SHLD2: variants seen among roughly 807,000 people sequenced by gnomAD.
The protein encoded by SHLD2 is shieldin complex subunit 2, also known as RINN1-REV7-interacting novel NHEJ regulator 2.
A neutral mutation model predicts 73.2 loss-of-function variants in SHLD2; 30 were observed. The observed-to-expected ratio is 0.41, with a 90% CI of 0.31 to 0.56. The LOEUF (loss-of-function observed/expected upper bound fraction) is 0.56, where lower values mean the gene tolerates loss of function less well. SHLD2 is among the 20% of genes least tolerant of loss of function. The pLI is 0.28. For missense variants in SHLD2, 745 were observed against 1,055.9 expected (o/e 0.71, Z 4.08); for synonymous variants, 285 against 370.1 (o/e 0.77, Z 2.64).
At chr10:87,189,350 G>T (rs1848870072) in intron 9 of SHLD2, among the ~76,000 whole-genome samples, 2 of 152,222 alleles carry the variant, frequency 1.3e-5, no homozygotes, top group Non-Finnish European at 2.9e-5. Flanking sequence ...TCTTAGAGAA[G>T]CATCATTCTC....
intron 6 of SHLD2, among the ~76,000 whole-genome samples, chr10:87,175,619 G>A (rs927758889): frequency 1.3e-5 from 2 of 151,896 alleles, no homozygotes; most frequent in Admixed American, 6.6e-5. Context: ...GGGAGGTGGA[G>A]GTTTCAGTGA....
chr10:87,187,210 C>T lies in SHLD2; in HGVS notation c.2515+10C>T. Reference sequence around the variant, plus strand: ...CTCAACAGAGTGATAGGTAATATATCAGTGTGCCATCAAGAAGTTGTTTTA... The same window carrying T: ...CTCAACAGAGTGATAGGTAATATATTAGTGTGCCATCAAGAAGTTGTTTTA... On this transcript the variant is annotated intron_variant, in intron 9 of 9. Transcript: ENST00000298786. 1 of 1,460,378 alleles carries T rather than the reference C, an allele frequency of 6.8e-7. No homozygotes were observed. Among genetic ancestry groups the T allele is most frequent in the Non-Finnish European group, 9.6e-7 (1 of 1,039,818 alleles). 90.5% of individuals were successfully genotyped at this position (1,460,378 alleles called of 1,614,324 possible).
chr10:87,132,805 G>A (rs949564596), intron 2 of SHLD2, among the ~76,000 whole-genome samples: 6 of 152,036 alleles, frequency 3.9e-5, no homozygotes, highest in African/African-American at 9.7e-5. Flanking sequence ...AAAACAAAAC[G>A]ACTATATTTC....
intron 4 of SHLD2, among the ~76,000 whole-genome samples, chr10:87,163,346 A>AT (rs1263345803): frequency 6.6e-6 from 1 of 152,206 alleles, no homozygotes; most frequent in African/African-American, 2.4e-5. Flanking sequence ...CAGGGGGCAC[A>AT]TAGGAGAGGG....
chr10:87,167,696 G>A (rs1329051591), intron 4 of SHLD2, among the ~76,000 whole-genome samples: 2 of 152,302 alleles, frequency 1.3e-5, no homozygotes, highest in East Asian at 3.9e-4. Context: ...CCAGGCTGGA[G>A]TGCAGTGGCC....
chr10:87,172,098 A>G (rs1847630445), intron 6 of SHLD2, among the ~76,000 whole-genome samples: 1 of 152,232 alleles, frequency 6.6e-6, no homozygotes, highest in Non-Finnish European at 1.5e-5. Context: ...TTAGGTTAGT[A>G]TTGAAAACAT....
intron 4 of SHLD2, among the ~76,000 whole-genome samples, chr10:87,167,879 C>T (rs7095600): frequency 6.6e-6 from 1 of 152,164 alleles, no homozygotes. Context: ...TCCTGAGCTC[C>T]AGTGATCCTC....
intron 2 of SHLD2, among the ~76,000 whole-genome samples, chr10:87,117,147 A>G (rs888625467): frequency 1.3e-5 from 2 of 152,154 alleles, no homozygotes; most frequent in African/African-American, 2.4e-5. Context: ...CGGCCGGGCA[A>G]GGTGGCTCAT....
rs1845910003 is a variant in SHLD2 at position 87,150,129 on chromosome 10, A to G, written c.-5-1221A>G. 2.8e-5 allele frequency among the ~76,000 whole-genome samples: 4 copies of G among 141,534 alleles called. No individual in the cohort carries two copies. In the Admixed American group the frequency reaches 3.0e-4, roughly 11 times the overall value. 92.9% of individuals were successfully genotyped at this position (141,534 alleles called of 152,430 possible). ...GCCCAGGCTGGAGTGCAGTGGCGAG[A>G]TCTTGGCTCACTGCAACCTCCTCCT... On this transcript the variant is annotated intron_variant, in intron 2 of 9. Transcript: ENST00000298786.
intron 8 of SHLD2, among the ~76,000 whole-genome samples, chr10:87,183,253 T>G (rs2134724337): frequency 1.3e-5 from 2 of 152,312 alleles, no homozygotes; most frequent in Middle Eastern, 6.8e-3. Flanking sequence ...TAAGATTATT[T>G]ATTAAAACAA....
At chr10:87,137,750 C>G (rs1314338973) in intron 2 of SHLD2, among the ~76,000 whole-genome samples, 4 of 151,982 alleles carry the variant, frequency 2.6e-5, no homozygotes, top group African/African-American at 7.3e-5. Context: ...AAAAATAAGC[C>G]AACAAATTTA....
At chr10:87,104,536 G>GAA (rs1187817587) in intron 2 of SHLD2, among the ~76,000 whole-genome samples, 2 of 78,316 alleles carry the variant, frequency 2.6e-5, no homozygotes, top group Non-Finnish European at 2.7e-5. Context: ...TTCTGTCTCA[G>GAA]AAAAAAAAAA....
At chr10:87,142,951 A>T in intron 2 of SHLD2, among the ~76,000 whole-genome samples, 2 of 123,856 alleles carry the variant, frequency 1.6e-5, no homozygotes, top group African/African-American at 3.3e-5. Context: ...TTTTTTAGAG[A>T]CAGTGTCTCA....
intron 4 of SHLD2, among the ~76,000 whole-genome samples, chr10:87,170,174 G>T (rs1847492026): frequency 6.6e-6 from 1 of 152,132 alleles, no homozygotes; most frequent in Non-Finnish European, 1.5e-5. Context: ...AAAAAGAACA[G>T]AAATTTTCTG....
chr10:87,128,832 C>T (rs1844221355), intron 2 of SHLD2, among the ~76,000 whole-genome samples: 1 of 152,098 alleles, frequency 6.6e-6, no homozygotes, highest in South Asian at 2.1e-4. Flanking sequence ...CAATTATGCT[C>T]TGCACTCAGT....
intron 2 of SHLD2, among the ~76,000 whole-genome samples, chr10:87,101,967 G>C (rs766318121): frequency 6.6e-6 from 1 of 152,170 alleles, no homozygotes; most frequent in African/African-American, 2.4e-5. Context: ...AGTGGATTCT[G>C]TATGATTTTC....
chr10:87,133,286 G>A (rs1844562761), intron 2 of SHLD2, among the ~76,000 whole-genome samples: 1 of 151,976 alleles, frequency 6.6e-6, no homozygotes, highest in Admixed American at 6.6e-5. Flanking sequence ...GTTAGCTTGT[G>A]CTTTAGGCCT....
In SHLD2 at chr10:87,138,127, G is replaced by A. The variant is rs1257797820; in HGVS notation, c.-5-13223G>A. Among the ~76,000 whole-genome samples the A allele has an allele frequency of 6.6e-5, 10 of 152,088 alleles. No homozygotes were observed. In the East Asian group the frequency reaches 1.2e-3, roughly 18 times the overall value. ...ATCCTGGCCAACATGGTAAAACCGC[G>A]TCTCTACTAAAAATACAAAAATTAG... On this transcript the variant is annotated intron_variant, in intron 2 of 9. Coordinates refer to ENST00000298786, the MANE Select transcript of SHLD2 (RefSeq NM_001330112.2).
At chr10:87,155,309 G>C (rs1403302011) in intron 3 of SHLD2, among the ~76,000 whole-genome samples, 2 of 152,194 alleles carry the variant, frequency 1.3e-5, no homozygotes, top group African/African-American at 4.8e-5. Flanking sequence ...CCCACTGGCA[G>C]TATTAGCTAA....
Sources: allele counts gnomAD v4.1 joint callset (sites outside exome capture counted in the v4.1 genomes callset), GRCh38; gene constraint gnomAD v4.1.1; transcripts MANE v1.5; gene names NCBI Gene and HGNC (gene_info 2026-07-23, HGNC 2026-07-21).